ITGA7: variants seen among roughly 807,000 people sequenced by gnomAD.
ITGA7 encodes the protein integrin alpha-7.
Under a neutral mutation model 131.6 loss-of-function variants are expected in ITGA7, and 84 were observed. That is an observed-to-expected ratio of 0.64 (90% CI 0.54 to 0.77). ITGA7 has a LOEUF of 0.77. Among genes scored for constraint, ITGA7 ranks in the 30% least tolerant of loss-of-function variants. The pLI is 0.00. For synonymous variants in ITGA7, 548 were observed against 600.7 expected, an observed-to-expected ratio of 0.91 and a Z score of 1.28; for missense variants, 1,399 against 1,482.9, an observed-to-expected ratio of 0.94 and a Z score of 0.93.
rs1223096306 is a variant in ITGA7 at position 55,700,987 on chromosome 12, A to T, written c.582T>A (p.Phe194Leu). The change falls in exon 4 of 25, where the codon TTT becomes TTA. Residue 194 changes from phenylalanine (F) to leucine (L), a missense_variant. Transcript: ENST00000257879. ...CAGCTGTGCCCTGCTGGCAGAACCC[A>T]AATTGTTCATGGCCTTGGGGGCGTC... Reference protein sequence around the residue: ...CEGRPQGHEQFGFCQQGTAAA... With the variant: ...CEGRPQGHEQLGFCQQGTAAA... The T allele has an allele frequency of 1.2e-6, 2 of 1,614,104 alleles. No individual in the cohort carries two copies. The highest frequency in any genetic ancestry group is 2.7e-5 in the African/African-American group (2 of 74,928).
chr12:55,703,698 C>T (rs1033563119), intron 1 of ITGA7, among the ~76,000 whole-genome samples: 4 of 152,084 alleles, frequency 2.6e-5, no homozygotes, highest in South Asian at 2.1e-4. Flanking sequence ...AGGCTAGATA[C>T]GGACCCACTG....
chr12:55,693,100 T>A (rs372474301), intron 20 of ITGA7, 41 bp downstream of exon 20: 252 of 1,611,650 alleles, frequency 1.6e-4, no homozygotes, highest in Non-Finnish European at 2.1e-4. Context: ...CCCCATAACA[T>A]CTGTCCCCAC....
At position 55,688,932 on chromosome 12, in the gene ITGA7, C is replaced by T. The variant is rs1357663083; in HGVS notation, c.2870G>A (p.Cys957Tyr). The change falls in exon 22 of 25, where the codon TGT becomes TAT. Residue 957 changes from cysteine (C) to tyrosine (Y), a missense_variant. Transcript: ENST00000257879. ...TLDCARGTANCVVFSCPLYSF... is the reference protein window; with the variant it reads ...TLDCARGTANYVVFSCPLYSF... Reference sequence around the variant, plus strand: ...GTAGAGTGGGCAGCTGAACACCACACAGTTGGCCGTGCCCCGGGCGCAGTC... The same window carrying T: ...GTAGAGTGGGCAGCTGAACACCACATAGTTGGCCGTGCCCCGGGCGCAGTC... 6.2e-7 allele frequency: 1 copy of T among 1,613,992 alleles called. No individual in the cohort carries two copies. The highest frequency in any genetic ancestry group is 2.2e-5 in the East Asian group (1 of 44,878).
intron 21 of ITGA7, among the ~76,000 whole-genome samples, chr12:55,692,514 C>T (rs1027183891): frequency 2.0e-5 from 3 of 152,336 alleles, no homozygotes; most frequent in South Asian, 4.1e-4. Flanking sequence ...TTCAAAAGAA[C>T]GACAAACAGA....
intron 5 of ITGA7, chr12:55,699,603 C>T (rs918137163): frequency 1.1e-5 from 6 of 524,104 alleles, no homozygotes; most frequent in African/African-American, 1.9e-5. Context: ...CCCAAAATAT[C>T]CTCAGCCCTG....
At chr12:55,708,583 G>A (rs1875713414), upstream of ITGA7, among the ~76,000 whole-genome samples, 1 of 151,978 alleles carries the variant, frequency 6.6e-6, no homozygotes, top group Admixed American at 6.6e-5. Flanking sequence ...AAGAAAGAAG[G>A]GCAAGAGATT....
rs915749421 is a variant in ITGA7, at chr12:55,684,928, G to A, written c.*130C>T. On this transcript the variant is annotated 3_prime_UTR_variant, in exon 25 of 25. Coordinates refer to ENST00000257879, the MANE Select transcript of ITGA7 (RefSeq NM_002206.3). ...GTTCTTGTGGGTGGGAGAGGTCTGTGCCCCTGAGGAAGCCGATCCTGCCAA... is the reference window on the plus strand; with the variant it reads ...GTTCTTGTGGGTGGGAGAGGTCTGTACCCCTGAGGAAGCCGATCCTGCCAA... 31 of 722,454 alleles carry A rather than the reference G, an allele frequency of 4.3e-5. No individual in the cohort carries two copies. Among genetic ancestry groups the A allele is most frequent in the Non-Finnish European group, 6.5e-5 (29 of 447,630 alleles). The allele number at this position is 722,454 out of a possible 1,614,324, so 44.8% of individuals were successfully genotyped here.
intron 1 of ITGA7, among the ~76,000 whole-genome samples, chr12:55,705,330 T>G (rs7311880): frequency 0.66 from 98,616 of 150,184 alleles, 33,089 homozygotes; most frequent in East Asian, 0.95. Flanking sequence ...ACCACCCCAG[T>G]CTTCTGGACA....
rs778684706 is a variant in ITGA7 at position 55,693,336 on chromosome 12, A to G, written c.2536-19T>C. 1.2e-5 allele frequency: 19 copies of G among 1,583,230 alleles called. No homozygotes were observed. The Admixed American group carries it at 1.7e-4, about 14-fold the overall frequency. The stretch of plus-strand genomic sequence containing the variant: ...TGGAAACCTGTGGGAAAAAGAGAGT[A>G]TGAGGGGAGAGACCTCAGTTTTTCT... On this transcript the variant is annotated intron_variant, in intron 19 of 24. Coordinates refer to ENST00000257879, the MANE Select transcript of ITGA7 (RefSeq NM_002206.3).
At chr12:55,693,401 T>G in intron 19 of ITGA7, 84 bp from the exon 20 acceptor site, 1 of 1,246,374 alleles carries the variant, frequency 8.0e-7, no homozygotes, top group Admixed American at 2.0e-5. Context: ...ACAGGATCTA[T>G]GTTGCCCAGG....
At chr12:55,716,119 C>T (rs1439194689), upstream of ITGA7, 1 of 1,609,052 alleles carries the variant, frequency 6.2e-7, no homozygotes, top group South Asian at 1.1e-5. Context: ...GTACCCAGCC[C>T]CCAGCCCGAC....
At chr12:55,701,414 A>ATTC (rs1873993317) in intron 3 of ITGA7, 3 of 1,551,626 alleles carry the variant, frequency 1.9e-6, no homozygotes, top group Non-Finnish European at 2.6e-6. Flanking sequence ...CTTGTTCCAC[A>ATTC]TTCTGCCTGG....
rs201354330 is a variant in ITGA7, at chr12:55,688,893, G to A, written c.2909C>T (p.Ala970Val). ...FSCPLYSFDR[A>V]AVLHVWGRLW... is the part of the protein sequence containing the mutation. Reference sequence around the variant, plus strand: ...ACGGCCCCAGACATGCAGCACAGCCGCGCGGTCAAAGCTGTAGAGTGGGCA... The same window carrying A: ...ACGGCCCCAGACATGCAGCACAGCCACGCGGTCAAAGCTGTAGAGTGGGCA... The change falls in exon 22 of 25, where the codon GCG becomes GTG. Residue 970 changes from alanine (A) to valine (V), a missense_variant. Physicochemically the swap from Ala to Val is moderately conservative, Grantham distance 64 (BLOSUM62 0). Transcript: ENST00000257879. The A allele has an allele frequency of 4.4e-5, 71 of 1,613,866 alleles. No individual in the cohort carries two copies. Among genetic ancestry groups the A allele is most frequent in the African/African-American group, 1.9e-4 (14 of 74,876 alleles).
Position 55,697,065 on chromosome 12 carries a change from A to G in ITGA7, c.1571T>C (p.Leu524Pro). 6.2e-7 allele frequency: 1 copy of G among 1,613,684 alleles called. No individual in the cohort carries two copies. The stretch of plus-strand genomic sequence containing the variant: ...TGTGTCCGCATCTAACACATAGTCC[A>G]GGGCTGTGGCATGTTGGGAAAGGAG... ...VPSSYSPTVALDYVLDADTDR... is the reference protein window; with the variant it reads ...VPSSYSPTVAPDYVLDADTDR... Residue 524 changes from leucine (L) to proline (P), a missense_variant, in exon 12 of 25, where the codon CTG becomes CCG. By Grantham distance (98) the Leu-to-Pro change is moderately conservative. Transcript: ENST00000257879.
At chr12:55,714,375 G>A (rs1244606063), upstream of ITGA7, among the ~76,000 whole-genome samples, 9 of 152,208 alleles carry the variant, frequency 5.9e-5, no homozygotes, top group East Asian at 1.9e-4. Context: ...AAAATTAGCC[G>A]GGCGTAGTGG....
Position 55,698,544 on chromosome 12 carries a change from A to C in ITGA7, c.1031T>G (p.Phe344Cys). ...CCCCAGCTCTTCTTGGCGCTCAAAGAAGTAGGGGGCACCCACTATCAGGTC... is the reference window on the plus strand; with the variant it reads ...CCCCAGCTCTTCTTGGCGCTCAAAGCAGTAGGGGGCACCCACTATCAGGTC... ...WPDLIVGAPY[F>C]FERQEELGGA... is the part of the protein sequence containing the mutation. The change falls in exon 7 of 25, where the codon TTC (phenylalanine) becomes TGC (cysteine). Residue 344 changes from phenylalanine (F) to cysteine (C), a missense_variant. By Grantham distance (205) the Phe-to-Cys change is radical. Transcript: ENST00000257879. 6.2e-7 allele frequency: 1 copy of C among 1,613,770 alleles called. No individual in the cohort carries two copies. Among genetic ancestry groups the C allele is most frequent in the Non-Finnish European group, 8.5e-7 (1 of 1,179,878 alleles).
chr12:55,703,496 G>A (rs964991859), intron 1 of ITGA7, among the ~76,000 whole-genome samples: 2 of 151,978 alleles, frequency 1.3e-5, no homozygotes, highest in African/African-American at 4.8e-5. Flanking sequence ...AGAACTGCCT[G>A]TTCCCAGCAC....
Position 55,701,029 on chromosome 12 carries a change from T to G in ITGA7, c.540A>C (p.Glu180Asp). 1.2e-6 allele frequency: 2 copies of G among 1,614,178 alleles called. No individual in the cohort carries two copies. The highest frequency in any genetic ancestry group is 2.2e-5 in the South Asian group (2 of 91,090). The change falls in exon 4 of 25, where the codon GAA (glutamate) becomes GAC (aspartate). Residue 180 changes from glutamate (E) to aspartate (D), a missense_variant. Transcript: ENST00000257879. ...LAIRDELDGGEWKFCEGRPQG... is the reference protein window; with the variant it reads ...LAIRDELDGGDWKFCEGRPQG... ...GGGGGCGTCCCTCACAGAACTTCCA[T>G]TCCCCACCATCCAACTCATCCCGGA...
upstream of ITGA7, among the ~76,000 whole-genome samples, chr12:55,708,856 T>A (rs1032022017): frequency 5.3e-5 from 8 of 152,076 alleles, no homozygotes; most frequent in African/African-American, 1.9e-4. Context: ...TGAGATGGGA[T>A]CTCCACAGGG....
Sources: gnomAD v4.1 joint callset for allele counts (sites outside exome capture counted in the v4.1 genomes callset) on GRCh38, gnomAD v4.1.1 for gene constraint, MANE v1.5 for transcripts, NCBI Gene and HGNC (gene_info 2026-07-23, HGNC 2026-07-21) for gene names.